Variants in SLC38A4 observed in about 807,000 individuals in gnomAD.
The protein encoded by SLC38A4 is solute carrier family 38 member 4.
A neutral mutation model predicts 63.1 loss-of-function variants in SLC38A4; 20 were observed. That is an observed-to-expected ratio of 0.32 (90% confidence interval 0.22 to 0.46). The LOEUF is 0.46. SLC38A4 is among the 20% of genes least tolerant of loss of function. The pLI is 1.00. For synonymous variants in SLC38A4, 230 were observed against 225.5 expected (o/e 1.02, Z -0.18); for missense variants, 526 against 663.6 (o/e 0.79, Z 2.28).
At chr12:46,781,189 G>A (rs1267077852) in intron 7 of SLC38A4, among the ~76,000 whole-genome samples, 2 of 152,022 alleles carry the variant, frequency 1.3e-5, no homozygotes, top group African/African-American at 4.8e-5. Flanking sequence ...ACTCCGAGAT[G>A]TTAAGTTGAC....
At chr12:46,825,313 T>TTATATATATA (rs34878223) in intron 1 of SLC38A4, among the ~76,000 whole-genome samples, 7,518 of 139,858 alleles carry the variant, frequency 0.054, 464 homozygotes, top group African/African-American at 0.13. Context: ...TATACAAAGT[T>TTATATATATA]TATATATATA....
intron 7 of SLC38A4, among the ~76,000 whole-genome samples, chr12:46,783,051 T>TGTGTGTGTGC (rs1555170940): frequency 0.019 from 2,749 of 141,050 alleles, 45 homozygotes; most frequent in African/African-American, 0.027. Context: ...TGTGTGTGTG[T>TGTGTGTGTGC]GTGTGTGTTA....
intron 13 of SLC38A4, among the ~76,000 whole-genome samples, chr12:46,776,287 A>G (rs1938523591): frequency 6.6e-6 from 1 of 152,034 alleles, no homozygotes; most frequent in Non-Finnish European, 1.5e-5. Flanking sequence ...AACTGTTAAG[A>G]TGCCAGAGAG....
Position 46,784,633 on chromosome 12 carries a change from C to G in SLC38A4, c.402G>C (p.Gly134=). 1.9e-6 allele frequency: 3 copies of G among 1,609,358 alleles called. No individual in the cohort carries two copies. The highest frequency in any genetic ancestry group is 2.5e-6 in the Non-Finnish European group (3 of 1,177,444). The change falls in exon 7 of 17, where the codon GGG becomes GGC. Residue 134 remains glycine (G), a splice_region_variant and synonymous_variant. Coordinates refer to ENST00000266579, the MANE Select transcript of SLC38A4 (RefSeq NM_018018.5). ...CTCCTAATTTTTCATAAATCAAAGACCCTACAATCAAAGATAAAATAGCCT... is the reference window on the plus strand; with the variant it reads ...CTCCTAATTTTTCATAAATCAAAGAGCCTACAATCAAAGATAAAATAGCCT... ...HLLLKTAKEG[G]SLIYEKLGEK...
intron 1 of SLC38A4, among the ~76,000 whole-genome samples, chr12:46,816,367 G>C (rs930340224): frequency 2.6e-5 from 4 of 151,966 alleles, no homozygotes; most frequent in Non-Finnish European, 5.9e-5. Flanking sequence ...GGTCATGACT[G>C]TCACTTTAGA....
At chr12:46,801,842 T>C (rs375189551) in intron 2 of SLC38A4, among the ~76,000 whole-genome samples, 1 of 152,084 alleles carries the variant, frequency 6.6e-6, no homozygotes, top group Non-Finnish European at 1.5e-5. Flanking sequence ...CTCACAGAAA[T>C]TAGCTTCCAT....
intron 5 of SLC38A4, 44 bp downstream of exon 5, chr12:46,787,872 T>A: frequency 1.4e-6 from 2 of 1,399,310 alleles, no homozygotes; most frequent in Non-Finnish European, 2.0e-6. Context: ...CCACCAGGTA[T>A]GCATGGACTT....
At chr12:46,778,847 T>G (rs1293182037) in intron 10 of SLC38A4, 71 bp from the exon 11 acceptor site, 38 of 1,439,580 alleles carry the variant, frequency 2.6e-5, no homozygotes, top group Non-Finnish European at 3.4e-5. Context: ...AGAATCCATA[T>G]GTGTGGCTTA....
intron 1 of SLC38A4, among the ~76,000 whole-genome samples, chr12:46,814,758 C>G (rs988100837): frequency 2.0e-5 from 3 of 151,926 alleles, no homozygotes; most frequent in African/African-American, 7.2e-5. Flanking sequence ...GAGGCAGTTT[C>G]TTGATCAAAC....
intron 1 of SLC38A4, among the ~76,000 whole-genome samples, chr12:46,804,269 G>A (rs757277456): frequency 3.3e-5 from 5 of 151,802 alleles, no homozygotes; most frequent in Non-Finnish European, 5.9e-5. Flanking sequence ...GTGCTGAGTA[G>A]GCAAAAGGCT....
At chr12:46,769,476 T>G in intron 14 of SLC38A4, 48 bp from the exon 15 acceptor site, 1 of 1,583,334 alleles carries the variant, frequency 6.3e-7, no homozygotes, top group Non-Finnish European at 8.6e-7. Context: ...GTTTTTGACT[T>G]TATCTATTAC....
intron 3 of SLC38A4, among the ~76,000 whole-genome samples, chr12:46,789,640 C>T (rs931154677): frequency 1.3e-5 from 2 of 152,046 alleles, no homozygotes; most frequent in African/African-American, 4.8e-5. Context: ...ATGTCACAGA[C>T]TTTTTAGTTG....
Position 46,788,576 on chromosome 12 carries a change from T to C in SLC38A4, c.162A>G (p.Thr54=), listed in dbSNP as rs781456814. The C allele has an allele frequency of 1.2e-6, 2 of 1,613,800 alleles. No individual in the cohort carries two copies. Among genetic ancestry groups the C allele is most frequent in the Non-Finnish European group, 1.7e-6 (2 of 1,179,880 alleles). Residue 54 remains threonine (T), a synonymous_variant, in exon 4 of 17, where the codon ACA becomes ACG. Transcript: ENST00000266579. ...NEDTESQKFL[T]NGFLGKKKLA... ...GCTTCTTTTTCCCCAAAAATCCATT[T>C]GTCAGGAATTTCTGACTTTCAGTGT...
intron 2 of SLC38A4, among the ~76,000 whole-genome samples, chr12:46,801,121 T>C (rs2120859250): frequency 6.6e-6 from 1 of 152,258 alleles, no homozygotes; most frequent in South Asian, 2.1e-4. Context: ...AATTGACTCT[T>C]CATGAAAATA....
At chr12:46,779,587 GGA>G in intron 10 of SLC38A4, 22 bp downstream of exon 10, 1 of 1,581,700 alleles carries the variant, frequency 6.3e-7, no homozygotes, top group Non-Finnish European at 8.6e-7. Context: ...CAACCTGCAA[GGA>G]TCATGTCATC....
chr12:46,778,242 G>T, intron 12 of SLC38A4, 47 bp downstream of exon 12: 2 of 1,559,232 alleles, frequency 1.3e-6, no homozygotes, highest in Non-Finnish European at 1.8e-6. Context: ...GAACATATGA[G>T]CAGAATTTCA....
At chr12:46,823,315 C>A (rs1047858641) in intron 1 of SLC38A4, among the ~76,000 whole-genome samples, 1 of 152,126 alleles carries the variant, frequency 6.6e-6, no homozygotes, top group East Asian at 1.9e-4. Flanking sequence ...GAGATATGAC[C>A]CAGAAGAACA....
intron 1 of SLC38A4, among the ~76,000 whole-genome samples, chr12:46,812,553 T>C (rs1311675838): frequency 6.6e-6 from 1 of 152,092 alleles, no homozygotes; most frequent in Non-Finnish European, 1.5e-5. Flanking sequence ...GCAAACTGTA[T>C]GAGCTTTTTT....
At chr12:46,832,370 T>A (rs1226406557) in exon 1 of SLC38A4, 1 of 152,110 alleles carries the variant, frequency 6.6e-6, no homozygotes, top group African/African-American at 2.4e-5. Flanking sequence ...TCAGGGAAAG[T>A]ATCAGAAAGG....
Sources: allele counts gnomAD v4.1 joint callset (sites outside exome capture counted in the v4.1 genomes callset), GRCh38; gene constraint gnomAD v4.1.1; transcripts MANE v1.5; gene names NCBI Gene and HGNC (gene_info 2026-07-23, HGNC 2026-07-21).